ASIC2: variants seen among roughly 807,000 people sequenced by gnomAD.
ASIC2 encodes the protein acid-sensing ion channel 2.
In ASIC2, 25 loss-of-function variants were observed where a neutral mutation model predicts 57.3. That is an observed-to-expected ratio of 0.44 (90% CI 0.32 to 0.61). The LOEUF is 0.61. Ranked by LOEUF, ASIC2 falls within the 20% of genes least tolerant of loss-of-function variation. The pLI is 0.06. For missense variants in ASIC2, 641 were observed against 738.1 expected, an observed-to-expected ratio of 0.87 and a Z score of 1.52; for synonymous variants, 319 against 307.5, an observed-to-expected ratio of 1.04 and a Z score of -0.39.
At chr17:33,262,101 C>A (rs557868465) in intron 1 of ASIC2, among the ~76,000 whole-genome samples, 63 of 152,328 alleles carry the variant, frequency 4.1e-4, no homozygotes, top group African/African-American at 1.5e-3. Context: ...GTGCTCGGCG[C>A]CATGTAGGCT....
chr17:33,679,810 T>C (rs549503836), intron 1 of ASIC2, among the ~76,000 whole-genome samples: 1 of 152,068 alleles, frequency 6.6e-6, no homozygotes, highest in Non-Finnish European at 1.5e-5. Flanking sequence ...CTTGTGCTTT[T>C]GGGGAGCAGA....
At chr17:33,208,665 CTTA>C (rs1038886701) in intron 1 of ASIC2, among the ~76,000 whole-genome samples, 11 of 151,442 alleles carry the variant, frequency 7.3e-5, no homozygotes, top group South Asian at 4.2e-4. Context: ...AGAATATTTG[CTTA>C]TTATTATTAT....
intron 1 of ASIC2, among the ~76,000 whole-genome samples, chr17:34,085,481 A>T (rs1910077894): frequency 6.6e-6 from 1 of 152,158 alleles, no homozygotes; most frequent in South Asian, 2.1e-4. Flanking sequence ...TTCATCAAGG[A>T]TATTGGTCTA....
intron 1 of ASIC2, among the ~76,000 whole-genome samples, chr17:34,153,803 G>T (rs1254914356): frequency 6.6e-6 from 1 of 152,184 alleles, no homozygotes; most frequent in East Asian, 1.9e-4. Flanking sequence ...ACTTGCTGAG[G>T]ACAGCAGATA....
chr17:33,846,662 A>G lies in ASIC2; in HGVS notation c.555+309316T>C, dbSNP rs142239522. ...AACACACATGCACACCCACCCACACACAATAACACCGTCTACTTCTTTCAC... is the reference window on the plus strand; with the variant it reads ...AACACACATGCACACCCACCCACACGCAATAACACCGTCTACTTCTTTCAC... On this transcript the variant is annotated intron_variant, in intron 1 of 9. Transcript: ENST00000359872. 3.0e-4 allele frequency among the ~76,000 whole-genome samples: 46 copies of G among 152,176 alleles called. No homozygotes were observed. The East Asian group carries it at 8.1e-3, about 27-fold the overall frequency.
intron 1 of ASIC2, among the ~76,000 whole-genome samples, chr17:33,729,153 G>T (rs934957188): frequency 1.3e-5 from 2 of 152,196 alleles, no homozygotes; most frequent in Non-Finnish European, 2.9e-5. Context: ...TACAGGAAGT[G>T]TGGTGCCAGC....
At chr17:34,096,883 A>AG (rs1910568099) in intron 1 of ASIC2, among the ~76,000 whole-genome samples, 1 of 150,316 alleles carries the variant, frequency 6.7e-6, no homozygotes, top group Non-Finnish European at 1.5e-5. Flanking sequence ...AAAAAAAAAA[A>AG]AAGTAGATAG....
chr17:33,064,868 T>A (rs2092036558), intron 3 of ASIC2, among the ~76,000 whole-genome samples: 1 of 152,236 alleles, frequency 6.6e-6, no homozygotes. Context: ...TCTACTTTTC[T>A]GTGTTTTCCA....
At chr17:33,174,552 C>A (rs533754635) in intron 1 of ASIC2, among the ~76,000 whole-genome samples, 1 of 152,066 alleles carries the variant, frequency 6.6e-6, no homozygotes, top group African/African-American at 2.4e-5. Flanking sequence ...TTGGCCTTTG[C>A]GGAGCTCACA....
At chr17:33,143,696 C>G (rs914733188) in intron 1 of ASIC2, among the ~76,000 whole-genome samples, 1 of 151,628 alleles carries the variant, frequency 6.6e-6, no homozygotes, top group Admixed American at 6.6e-5. Flanking sequence ...TCCATAGCAA[C>G]GATAGTAAAA....
chr17:33,689,604 AG>A (rs11332947), intron 1 of ASIC2, among the ~76,000 whole-genome samples: 152,347 of 152,348 alleles, frequency 1, 76,173 homozygotes, highest in Middle Eastern at 1. Context: ...TATTAGATTG[AG>A]ATGATTCCCC....
intron 1 of ASIC2, among the ~76,000 whole-genome samples, chr17:34,065,362 A>T (rs1598002896): frequency 6.6e-6 from 1 of 152,140 alleles, no homozygotes; most frequent in African/African-American, 2.4e-5. Flanking sequence ...TAGGGGGAAG[A>T]GTGGAAGGGG....
chr17:33,319,884 T>A (rs1906802190), intron 1 of ASIC2, among the ~76,000 whole-genome samples: 1 of 152,224 alleles, frequency 6.6e-6, no homozygotes, highest in African/African-American at 2.4e-5. Context: ...CTATAGTCAC[T>A]CTGTTGTACT....
intron 1 of ASIC2, among the ~76,000 whole-genome samples, chr17:33,938,680 G>A (rs73987301): frequency 6.6e-6 from 1 of 152,172 alleles, no homozygotes; most frequent in African/African-American, 2.4e-5. Context: ...ATCCAGGAGG[G>A]CTACTGTGTA....
chr17:33,679,659 G>A lies in ASIC2; in HGVS notation c.555+476319C>T, dbSNP rs532337988. On this transcript the variant is annotated intron_variant, in intron 1 of 9. Transcript: ENST00000359872. ...TGGGAGATGGGAACCTACACAAACT[G>A]GAGAGACCCAGGAAAGCCTCCTGAG... Among the ~76,000 whole-genome samples the A allele has an allele frequency of 2.2e-4, 34 of 152,314 alleles. 1 individual carries two copies. In the South Asian group the frequency reaches 7.0e-3, roughly 32 times the overall value.
intron 1 of ASIC2, among the ~76,000 whole-genome samples, chr17:33,812,034 C>T (rs1464147130): frequency 6.6e-6 from 1 of 152,194 alleles, no homozygotes; most frequent in East Asian, 1.9e-4. Flanking sequence ...TCCTGCACCA[C>T]CGTGGGCACA....
rs571228960 is a variant in ASIC2, at chr17:33,101,203, G to A, written c.859+10714C>T. ...AGGTTTTCCTGGGAGCAGAGATGTCGGAGAAACCATAGCAACCATCATCAC... is the reference window on the plus strand; with the variant it reads ...AGGTTTTCCTGGGAGCAGAGATGTCAGAGAAACCATAGCAACCATCATCAC... On this transcript the variant is annotated intron_variant, in intron 2 of 9. Coordinates refer to ENST00000225823, the MANE Select transcript of ASIC2 (RefSeq NM_183377.2). Among the ~76,000 whole-genome samples the A allele has an allele frequency of 3.1e-4, 47 of 152,244 alleles. 1 individual carries two copies. The South Asian group carries it at 6.9e-3, about 22-fold the overall frequency.
At chr17:34,126,272 A>G (rs1288136876) in intron 1 of ASIC2, among the ~76,000 whole-genome samples, 2 of 152,198 alleles carry the variant, frequency 1.3e-5, no homozygotes, top group African/African-American at 4.8e-5. Flanking sequence ...TAAAGGCTAC[A>G]CCAGTGAGAC....
chr17:33,234,341 G>A (rs1013546920), intron 1 of ASIC2, among the ~76,000 whole-genome samples: 3 of 152,192 alleles, frequency 2.0e-5, no homozygotes, highest in African/African-American at 7.2e-5. Flanking sequence ...AGGAAAAGCC[G>A]TGGATATGTG....
Sources: gnomAD v4.1 joint callset for allele counts (sites outside exome capture counted in the v4.1 genomes callset) on GRCh38, gnomAD v4.1.1 for gene constraint, MANE v1.5 for transcripts, NCBI Gene and HGNC (gene_info 2026-07-23, HGNC 2026-07-21) for gene names.